The following FAP variants were observed in gnomAD, a reference collection of about 807,000 sequenced individuals.
FAP encodes fibroblast activation protein alpha.
FAP carries 110 observed loss-of-function variants against 126.5 expected under a neutral mutation model. That is an observed-to-expected ratio of 0.87 (90% CI 0.74 to 1.02). The LOEUF (loss-of-function observed/expected upper bound fraction) is 1.02, where lower values mean the gene tolerates loss of function less well. Ranked by LOEUF, FAP falls within the 50% of genes least tolerant of loss-of-function variation. The probability of loss-of-function intolerance (pLI) is 0.00; values close to 1 mark genes in which losing one functional copy is unlikely to be tolerated. For missense variants in FAP, 919 were observed against 909.2 expected (o/e 1.01, Z -0.14); for synonymous variants, 334 against 297.3 (o/e 1.12, Z -1.27).
intron 20 of FAP, among the ~76,000 whole-genome samples, chr2:162,186,594 AG>A (rs1687875358): frequency 6.6e-6 from 1 of 152,132 alleles, no homozygotes; most frequent in Non-Finnish European, 1.5e-5. Context: ...ACGATGATGA[AG>A]ACAATGATTT....
chr2:162,235,241 A>G (rs1690076495), intron 2 of FAP, among the ~76,000 whole-genome samples: 2 of 148,060 alleles, frequency 1.4e-5, no homozygotes, highest in Admixed American at 1.3e-4. Flanking sequence ...CCCAACAAGC[A>G]CTTCCCCCTG....
intron 21 of FAP, among the ~76,000 whole-genome samples, chr2:162,182,412 A>G (rs1446573480): frequency 6.6e-6 from 1 of 152,206 alleles, no homozygotes; most frequent in African/African-American, 2.4e-5. Context: ...TATTTCATTT[A>G]TTTCTACTCA....
intron 2 of FAP, among the ~76,000 whole-genome samples, chr2:162,228,093 C>T: frequency 6.6e-6 from 1 of 152,150 alleles, no homozygotes; most frequent in East Asian, 1.9e-4. Flanking sequence ...TCTCATAGCA[C>T]ATCCCAAGTG....
In FAP at chr2:162,171,040, G is replaced by A. The variant is rs138652824; in HGVS notation, c.2222C>T (p.Thr741Met). 2.4e-5 allele frequency: 39 copies of A among 1,613,230 alleles called. No individual in the cohort carries two copies. Among genetic ancestry groups the A allele is most frequent in the African/African-American group, 2.1e-4 (16 of 74,964 alleles). ...GGTCATGTGGGTGTATAAGTGGTTC[G>A]TGGACAGGCCGGATAAGCCGTGGTT... Reference protein sequence around the residue: ...DQNHGLSGLSTNHLYTHMTHF... With the variant: ...DQNHGLSGLSMNHLYTHMTHF... Residue 741 changes from threonine (T) to methionine (M), a missense_variant, in exon 26 of 26, where the codon ACG becomes ATG. Coordinates refer to ENST00000188790, the MANE Select transcript of FAP (RefSeq NM_004460.5).
Position 162,209,985 on chromosome 2 carries a change from A to G in FAP, c.1014T>C (p.His338=). 8 of 1,612,936 alleles carry G rather than the reference A, an allele frequency of 5.0e-6. No homozygotes were observed. Among genetic ancestry groups the G allele is most frequent in the Non-Finnish European group, 6.8e-6 (8 of 1,179,480 alleles). Residue 338 remains histidine (H), a synonymous_variant, in exon 12 of 26, where the codon CAT becomes CAC. Coordinates refer to ENST00000188790, the MANE Select transcript of FAP (RefSeq NM_004460.5). The part of the protein sequence containing the change: ...QTWDCPKTQE[H]IEESRTGWAG... ...CCCATCCAGTTCTGCTTTCTTCTATATGCTCCTGGGTCTAAAAGACAAAAG... is the reference window on the plus strand; with the variant it reads ...CCCATCCAGTTCTGCTTTCTTCTATGTGCTCCTGGGTCTAAAAGACAAAAG...
intron 21 of FAP, among the ~76,000 whole-genome samples, chr2:162,179,803 TA>T (rs1559761526): frequency 1.6e-4 from 22 of 140,590 alleles, no homozygotes; most frequent in African/African-American, 5.3e-4. Flanking sequence ...TATATATATA[TA>T]TATATATATT....
At chr2:162,209,457 T>C (rs1461046800) in intron 12 of FAP, among the ~76,000 whole-genome samples, 1 of 152,196 alleles carries the variant, frequency 6.6e-6, no homozygotes, top group Admixed American at 6.5e-5. Context: ...CACATTTTCC[T>C]ATTTGATACC....
intron 6 of FAP, among the ~76,000 whole-genome samples, chr2:162,221,160 A>T (rs1335800548): frequency 6.6e-6 from 1 of 152,108 alleles, no homozygotes; most frequent in Non-Finnish European, 1.5e-5. Flanking sequence ...CTGCAATGAG[A>T]GTCCTGGCCG....
chr2:162,232,640 A>C (rs1006800728), intron 2 of FAP, among the ~76,000 whole-genome samples: 3 of 152,214 alleles, frequency 2.0e-5, no homozygotes, highest in Non-Finnish European at 4.4e-5. Context: ...CAGCTCTAAC[A>C]GCAATTTTCC....
chr2:162,235,224 G>A (rs566206279), intron 2 of FAP, among the ~76,000 whole-genome samples: 2 of 150,580 alleles, frequency 1.3e-5, no homozygotes, highest in East Asian at 4.0e-4. Context: ...TGCACGGCCT[G>A]AGCCTCCCCA....
At chr2:162,225,844 C>G (rs936657858) in intron 3 of FAP, among the ~76,000 whole-genome samples, 2 of 152,068 alleles carry the variant, frequency 1.3e-5, no homozygotes, top group Non-Finnish European at 2.9e-5. Context: ...TTTGTTTTCT[C>G]TGGGTTACAA....
intron 4 of FAP, 93 bp downstream of exon 4, chr2:162,225,390 T>C: frequency 6.7e-7 from 1 of 1,495,624 alleles, no homozygotes; most frequent in Non-Finnish European, 9.0e-7. Context: ...GCAAGTTGTG[T>C]CCAGATCAGG....
chr2:162,179,782 C>A (rs1687619633), intron 21 of FAP, among the ~76,000 whole-genome samples: 1 of 68,230 alleles, frequency 1.5e-5, no homozygotes, highest in Non-Finnish European at 3.1e-5. Context: ...ATCTATCTAT[C>A]TATCTATCTA....
intron 17 of FAP, among the ~76,000 whole-genome samples, chr2:162,192,371 T>G (rs570130199): frequency 6.6e-6 from 1 of 152,050 alleles, no homozygotes; most frequent in Non-Finnish European, 1.5e-5. Context: ...TTCCTCCTCC[T>G]TGAGCTCTTC....
In FAP at chr2:162,198,429, C is replaced by G. The variant is rs146802400; in HGVS notation, c.1402+328G>C. 1.9e-3 allele frequency: 2,098 copies of G among 1,081,456 alleles called. 3 individuals carry two copies. The highest frequency in any genetic ancestry group is 2.9e-3 in the Middle Eastern group (12 of 4,118). The allele number at this position is 1,081,456 out of a possible 1,614,324, so 67.0% of individuals were successfully genotyped here. A position where few individuals can be genotyped will look rare whatever the true frequency, so the allele number is the denominator to read the frequency against. On this transcript the variant is annotated intron_variant, in intron 16 of 25. Coordinates refer to ENST00000188790, the MANE Select transcript of FAP (RefSeq NM_004460.5). ...GCCTAGCTGACGGGTTGCCTCTGCA[C>G]GCAGTCTTAGTGCTGTGGAATGTGG...
At chr2:162,176,250 G>C (rs1687478874) in intron 21 of FAP, 2 of 152,112 alleles carry the variant, frequency 1.3e-5, no homozygotes, top group Non-Finnish European at 1.5e-5. Context: ...GCATGGAATG[G>C]GAGAATCAGC....
At chr2:162,196,510 T>C (rs1020052683) in intron 16 of FAP, among the ~76,000 whole-genome samples, 26 of 151,264 alleles carry the variant, frequency 1.7e-4, no homozygotes, top group African/African-American at 5.8e-4. Context: ...TAATGGAAAC[T>C]TGCATATCTT....
intron 24 of FAP, 53 bp downstream of exon 24, chr2:162,173,096 A>G (rs1687372789): frequency 1.3e-6 from 2 of 1,521,766 alleles, no homozygotes; most frequent in African/African-American, 1.4e-5. Context: ...TTTCTTAAAC[A>G]AAGTGATGCT....
In FAP at chr2:162,173,763, A is replaced by G. The variant is rs1335181440; in HGVS notation, c.1994T>C (p.Met665Thr). The part of the protein sequence containing the change: ...YYASVYTERF[M>T]GLPTKDDNLE... ...ATTATCATCCTTTGTTGGGAGACCCATGAATCTCTCTGTGTAGACAGACGC... is the reference window on the plus strand; with the variant it reads ...ATTATCATCCTTTGTTGGGAGACCCGTGAATCTCTCTGTGTAGACAGACGC... The change falls in exon 23 of 26, where the codon ATG becomes ACG. Residue 665 changes from methionine to threonine, a missense_variant. By Grantham distance (81) the Met-to-Thr change is moderately conservative. Coordinates refer to ENST00000188790, the MANE Select transcript of FAP (RefSeq NM_004460.5). The G allele has an allele frequency of 6.2e-7, 1 of 1,605,550 alleles. No homozygotes were observed. Among genetic ancestry groups the G allele is most frequent in the East Asian group, 2.2e-5 (1 of 44,794 alleles).
Sources: gnomAD v4.1 joint callset for allele counts (sites outside exome capture counted in the v4.1 genomes callset) on GRCh38, gnomAD v4.1.1 for gene constraint, MANE v1.5 for transcripts, NCBI Gene and HGNC (gene_info 2026-07-23, HGNC 2026-07-21) for gene names.